The following ITPRIP variants were observed in gnomAD, a reference collection of about 807,000 sequenced individuals.
ITPRIP encodes the protein inositol 1,4,5-trisphosphate receptor interacting protein.
ITPRIP carries 32 observed loss-of-function variants against 35.8 expected under a neutral mutation model. The ratio of observed to expected loss-of-function variants is 0.89; its 90% CI spans 0.68 to 1.20. The LOEUF (loss-of-function observed/expected upper bound fraction) is 1.20. Among genes scored for constraint, ITPRIP ranks in the 50% most tolerant of loss-of-function variants. The pLI, the probability that ITPRIP is intolerant of heterozygous loss-of-function variation, is 0.00. For synonymous variants in ITPRIP, 358 were observed against 324.0 expected (o/e 1.11, Z -1.13); for missense variants, 653 against 735.6 (o/e 0.89, Z 1.30).
rs1041636541 is a variant in ITPRIP at position 104,315,244 on chromosome 10, G to A, written c.808C>T (p.Leu270=). Residue 270 remains leucine, a synonymous_variant, in exon 2 of 2, where the codon CTG becomes TTG. Transcript: ENST00000337478. The surrounding 1 kb of genome is among the most constrained non-coding windows in gnomAD (Gnocchi z 5.7). The part of the protein sequence containing the change: ...TKLGEDMLCL[L]HGRNSMAPPC... ...GGCGCCATGCTGTTCCTGCCGTGCA[G>A]GAGACACAGCATGTCTTCCCCGAGC... 3.1e-6 allele frequency: 5 copies of A among 1,612,682 alleles called. No homozygotes were observed. Among genetic ancestry groups the A allele is most frequent in the Non-Finnish European group, 4.2e-6 (5 of 1,179,150 alleles).
rs775513108 is a variant in ITPRIP at position 104,309,948 on chromosome 10, TAAAC to T, written c.*4456_*4459del. 6 of 152,232 alleles carry T rather than the reference TAAAC, an allele frequency of 3.9e-5. No individual in the cohort carries two copies. The highest frequency in any genetic ancestry group is 2.1e-4 in the South Asian group (1 of 4,836). The allele number at this position is 152,232 out of a possible 1,614,324, so 9.4% of individuals were successfully genotyped here. On this transcript the variant is annotated 3_prime_UTR_variant, in exon 2 of 2. Coordinates refer to ENST00000337478, the MANE Select transcript of ITPRIP (RefSeq NM_001272013.2). ...TTTATTTTTTAAACAACAAACTAGTTAAACAAGCAAGCTATTTTTGGATGGCAAT... is the reference window on the plus strand; with the variant it reads ...TTTATTTTTTAAACAACAAACTAGTTAAGCAAGCTATTTTTGGATGGCAAT...
chr10:104,314,398 G>A lies in ITPRIP; in HGVS notation c.*10C>T, dbSNP rs1423440889. ...TCTTAGCTCGAGGATCCCACATTCT[G>A]TAAAAGACGTCAGCTTTTTGGGGTA... On this transcript the variant is annotated 3_prime_UTR_variant, in exon 2 of 2. Transcript: ENST00000337478. 3.8e-6 allele frequency: 6 copies of A among 1,599,848 alleles called. No homozygotes were observed. In the South Asian group the frequency reaches 5.6e-5, roughly 15 times the overall value.
rs1259766515 is a variant in ITPRIP at position 104,338,259 on chromosome 10, C to CCCCGGT, written c.-33_-28dup. The CCCCGGT allele has an allele frequency of 6.5e-6, 1 of 153,214 alleles. No individual in the cohort carries two copies. Among genetic ancestry groups the CCCCGGT allele is most frequent in the Non-Finnish European group, 1.5e-5 (1 of 68,384 alleles). 9.5% of individuals were successfully genotyped at this position (153,214 alleles called of 1,614,324 possible). A position where few individuals can be genotyped will look rare whatever the true frequency, so the allele number is the denominator to read the frequency against. On this transcript the variant is annotated 5_prime_UTR_variant, in exon 1 of 2. Coordinates refer to ENST00000337478, the MANE Select transcript of ITPRIP (RefSeq NM_001272013.2). ...CCTGGGACTTACGATTGGCTTGGGT[C>CCCCGGT]CCCGGTCCCGGTCCCCGCCGCGGGA...
At chr10:104,322,779 C>T (rs1378139500) in intron 1 of ITPRIP, among the ~76,000 whole-genome samples, 5 of 152,270 alleles carry the variant, frequency 3.3e-5, no homozygotes, top group South Asian at 2.1e-4. Context: ...GTTTCCTTTA[C>T]GAAATGGAAT....
intron 1 of ITPRIP, among the ~76,000 whole-genome samples, chr10:104,334,883 A>T (rs1327809084): frequency 6.6e-6 from 1 of 152,254 alleles, no homozygotes; most frequent in Non-Finnish European, 1.5e-5. Flanking sequence ...GACGACATTC[A>T]GTCTGTGTGA....
At chr10:104,335,416 T>C (rs1306201720) in intron 1 of ITPRIP, among the ~76,000 whole-genome samples, 1 of 152,198 alleles carries the variant, frequency 6.6e-6, no homozygotes, top group African/African-American at 2.4e-5. Flanking sequence ...ACTCGCTCTC[T>C]GCCTAGGTCA....
chr10:104,318,959 G>T (rs1170140165), intron 1 of ITPRIP, among the ~76,000 whole-genome samples: 2 of 152,288 alleles, frequency 1.3e-5, no homozygotes, highest in African/African-American at 4.8e-5. Context: ...GTTCAGGGCG[G>T]AGTGCGCCGC....
rs1384388798 is a variant in ITPRIP, at chr10:104,315,410, G to A, written c.642C>T (p.Phe214=). 6.3e-7 allele frequency: 1 copy of A among 1,586,888 alleles called. No individual in the cohort carries two copies. Among genetic ancestry groups the A allele is most frequent in the African/African-American group, 1.3e-5 (1 of 74,702 alleles). ...RPLLCHLFVP[F]TPPEPYRFHP... ...GGAAGCGGTAGGGCTCGGGGGGTGT[G>A]AAGGGCACGAAAAGGTGGCACAGCA... is the stretch of plus-strand genomic sequence containing the variant. The change falls in exon 2 of 2, where the codon TTC becomes TTT. Residue 214 remains phenylalanine (F), a synonymous_variant. Coordinates refer to ENST00000337478, the MANE Select transcript of ITPRIP (RefSeq NM_001272013.2). This position sits in a 1 kb window ranked among gnomAD's most constrained non-coding sequence, Gnocchi z 5.7.
intron 1 of ITPRIP, among the ~76,000 whole-genome samples, chr10:104,336,506 G>T (rs1419449840): frequency 6.8e-6 from 1 of 147,364 alleles, no homozygotes; most frequent in Non-Finnish European, 1.5e-5. Flanking sequence ...GGGGGGGGGG[G>T]GCAGCGGGGC....
At chr10:104,319,794 A>G (rs2013798414) in intron 1 of ITPRIP, among the ~76,000 whole-genome samples, 1 of 152,018 alleles carries the variant, frequency 6.6e-6, no homozygotes, top group Non-Finnish European at 1.5e-5. Flanking sequence ...CCTGCAGGCC[A>G]AGAGGATTCC....
intron 1 of ITPRIP, among the ~76,000 whole-genome samples, chr10:104,336,516 C>A: frequency 6.1e-5 from 7 of 114,794 alleles, no homozygotes; most frequent in East Asian, 2.8e-4. Context: ...GGCAGCGGGG[C>A]ATTGGGGGGT....
At chr10:104,324,793 C>G (rs935130368) in intron 1 of ITPRIP, among the ~76,000 whole-genome samples, 1 of 152,196 alleles carries the variant, frequency 6.6e-6, no homozygotes, top group Non-Finnish European at 1.5e-5. Flanking sequence ...GGGCGAGTCC[C>G]CACGCCACAC....
intron 1 of ITPRIP, among the ~76,000 whole-genome samples, chr10:104,334,822 C>T (rs1354431184): frequency 6.6e-6 from 1 of 152,226 alleles, no homozygotes; most frequent in Non-Finnish European, 1.5e-5. Flanking sequence ...AAGCGCAGTC[C>T]ACCTTCTGGT....
At position 104,314,437 on chromosome 10, in the gene ITPRIP, G is replaced by T. The variant is rs767884578; in HGVS notation, c.1615C>A (p.Pro539Thr). Residue 539 changes from proline (P) to threonine (T), a missense_variant, in exon 2 of 2, where the codon CCC (proline) becomes ACC (threonine). Physicochemically the swap from Pro to Thr is conservative, Grantham distance 38. Coordinates refer to ENST00000337478, the MANE Select transcript of ITPRIP (RefSeq NM_001272013.2). Reference sequence around the variant, plus strand: ...CTTTTTGGGGTAGGCTGGTCTGAGGGGACATGTAGGGAATACTCGCTAATG... The same window carrying T: ...CTTTTTGGGGTAGGCTGGTCTGAGGTGACATGTAGGGAATACTCGCTAATG... ...ALISEYSLHV[P>T]SDQPTPKS is the part of the protein sequence containing the mutation. 2.0e-5 allele frequency: 33 copies of T among 1,612,882 alleles called. No individual in the cohort carries two copies. The Admixed American group carries it at 5.2e-4, about 25-fold the overall frequency.
intron 1 of ITPRIP, among the ~76,000 whole-genome samples, chr10:104,329,874 T>G (rs1432159743): frequency 6.6e-6 from 1 of 152,238 alleles, no homozygotes; most frequent in Non-Finnish European, 1.5e-5. Flanking sequence ...TCATGTCTCC[T>G]TTTTGATTTG....
chr10:104,314,730 A>G lies in ITPRIP; in HGVS notation c.1322T>C (p.Leu441Pro). 4 of 1,613,806 alleles carry G rather than the reference A, an allele frequency of 2.5e-6. No individual in the cohort carries two copies. The highest frequency in any genetic ancestry group is 1.3e-5 in the African/African-American group (1 of 75,066). Residue 441 changes from leucine to proline, a missense_variant, in exon 2 of 2, where the codon CTA (leucine) becomes CCA (proline). By Grantham distance (98) the Leu-to-Pro change is moderately conservative (BLOSUM62 -3). Coordinates refer to ENST00000337478, the MANE Select transcript of ITPRIP (RefSeq NM_001272013.2). ...YHLKTALLHL[L>P]LLRQAADWKA... ...CCAGTCGGCGGCCTGCCGGAGGAGT[A>G]GGAGGTGCAGTAGGGCCGTCTTCAG...
At position 104,314,489 on chromosome 10, in the gene ITPRIP, A is replaced by G. The variant is rs368905040; in HGVS notation, c.1563T>C (p.Tyr521=). Residue 521 remains tyrosine, a synonymous_variant, in exon 2 of 2, where the codon TAT becomes TAC. Transcript: ENST00000337478. ...SLYRKTLDSF[Y]EMLKNAPALI... is the part of the protein sequence containing the mutation. Reference sequence around the variant, plus strand: ...GCGCTGGGGCATTCTTGAGCATCTCATAGAAGGAGTCCAGTGTCTTACGGT... The same window carrying G: ...GCGCTGGGGCATTCTTGAGCATCTCGTAGAAGGAGTCCAGTGTCTTACGGT... 9.4e-5 allele frequency: 152 copies of G among 1,611,826 alleles called. 1 individual carries two copies. The highest frequency in any genetic ancestry group is 5.5e-4 in the South Asian group (50 of 91,022).
intron 1 of ITPRIP, among the ~76,000 whole-genome samples, chr10:104,332,987 T>A (rs920453378): frequency 3.3e-5 from 5 of 152,252 alleles, no homozygotes; most frequent in African/African-American, 9.6e-5. Context: ...AGATACACAA[T>A]GGCTGCTCGA....
intron 1 of ITPRIP, among the ~76,000 whole-genome samples, chr10:104,321,917 G>A (rs1274105280): frequency 6.6e-6 from 1 of 152,038 alleles, no homozygotes; most frequent in Non-Finnish European, 1.5e-5. Flanking sequence ...AGCACATACT[G>A]AGCTCGAGGA....
Sources: gnomAD v4.1 joint callset for allele counts (sites outside exome capture counted in the v4.1 genomes callset) on GRCh38, gnomAD v4.1.1 for gene constraint, Gnocchi (gnomAD v3.1) non-coding constraint, MANE v1.5 for transcripts, NCBI Gene and HGNC (gene_info 2026-07-23, HGNC 2026-07-21) for gene names.